FNBP1L: variants seen among roughly 807,000 people sequenced by gnomAD.
The protein encoded by FNBP1L is formin-binding protein 1-like.
A neutral mutation model predicts 91.2 loss-of-function variants in FNBP1L; 36 were observed. That is an observed-to-expected ratio of 0.39 (90% confidence interval 0.30 to 0.52). The LOEUF (loss-of-function observed/expected upper bound fraction) is 0.52, where lower values mean the gene tolerates loss of function less well. Among genes scored for constraint, FNBP1L ranks in the 20% least tolerant of loss-of-function variants. The probability of loss-of-function intolerance (pLI) is 0.66; values close to 1 mark genes in which losing one functional copy is unlikely to be tolerated. For synonymous variants in FNBP1L, 242 were observed against 237.0 expected (o/e 1.02, Z -0.19); for missense variants, 571 against 732.1 (o/e 0.78, Z 2.54).
At chr1:93,449,080 C>T (rs992121691) in intron 1 of FNBP1L, among the ~76,000 whole-genome samples, 1 of 152,212 alleles carries the variant, frequency 6.6e-6, no homozygotes, top group Non-Finnish European at 1.5e-5. Flanking sequence ...GCTTTACTTC[C>T]CTTTCCGTTC....
chr1:93,504,478 C>T (rs571756988), intron 2 of FNBP1L, among the ~76,000 whole-genome samples: 92 of 152,314 alleles, frequency 6.0e-4, no homozygotes, highest in Admixed American at 4.2e-3. Flanking sequence ...CTCCCTGTCT[C>T]GGGTATGTCT....
At chr1:93,457,425 T>C (rs939964549) in intron 1 of FNBP1L, among the ~76,000 whole-genome samples, 3 of 152,214 alleles carry the variant, frequency 2.0e-5, no homozygotes, top group Non-Finnish European at 4.4e-5. Context: ...GGGTCATTAC[T>C]GGTCTGGGAC....
chr1:93,514,703 C>G (rs1339790112), intron 2 of FNBP1L, among the ~76,000 whole-genome samples: 12 of 151,828 alleles, frequency 7.9e-5, no homozygotes, highest in Non-Finnish European at 1.6e-4. Flanking sequence ...GCTGGGAAAA[C>G]TGGCTAGCCA....
chr1:93,516,780 G>C (rs560648417), intron 2 of FNBP1L, among the ~76,000 whole-genome samples: 9 of 151,864 alleles, frequency 5.9e-5, no homozygotes, highest in African/African-American at 9.7e-5. Flanking sequence ...GCTTAAATTT[G>C]ACTTGTTTAA....
At chr1:93,462,629 C>G (rs1668911833) in intron 1 of FNBP1L, among the ~76,000 whole-genome samples, 1 of 152,040 alleles carries the variant, frequency 6.6e-6, no homozygotes, top group African/African-American at 2.4e-5. Flanking sequence ...GTAGGATACC[C>G]CTCTATTGGA....
chr1:93,524,708 T>C (rs965224555), intron 5 of FNBP1L, among the ~76,000 whole-genome samples: 3 of 151,836 alleles, frequency 2.0e-5, no homozygotes, highest in African/African-American at 7.2e-5. Flanking sequence ...ATCAAGGTTC[T>C]TTTTCTACCT....
chr1:93,477,902 T>A (rs1393138361), intron 1 of FNBP1L, among the ~76,000 whole-genome samples: 1 of 152,240 alleles, frequency 6.6e-6, no homozygotes, highest in Non-Finnish European at 1.5e-5. Flanking sequence ...TCTGTTTCTT[T>A]AACAGTCCTC....
chr1:93,507,805 C>T (rs1017134916), intron 2 of FNBP1L, among the ~76,000 whole-genome samples: 1 of 151,982 alleles, frequency 6.6e-6, no homozygotes, highest in African/African-American at 2.4e-5. Context: ...TACACCACCG[C>T]ATCTGGCTAA....
rs755194767 is a variant in FNBP1L at position 93,534,839 on chromosome 1, G to A, written c.921G>A (p.Gly307=). 1.9e-6 allele frequency: 3 copies of A among 1,579,540 alleles called. No homozygotes were observed. Among genetic ancestry groups the A allele is most frequent in the South Asian group, 2.3e-5 (2 of 85,902 alleles). ...TCAGTGCATCCAAACAGGAGAGTGG[G>A]AAGATGGATGCCAAAACCACAGTAG... is the stretch of plus-strand genomic sequence containing the variant. The part of the protein sequence containing the change: ...GTISASKQES[G]KMDAKTTVGK... Residue 307 remains glycine, a synonymous_variant, in exon 9 of 17, where the codon GGG becomes GGA. Coordinates refer to ENST00000271234, the MANE Select transcript of FNBP1L (RefSeq NM_001164473.3).
In FNBP1L at chr1:93,476,359, G is replaced by A. The variant is rs146077101; in HGVS notation, c.25-23109G>A. Among the ~76,000 whole-genome samples the A allele has an allele frequency of 2.6e-5, 4 of 152,152 alleles. No homozygotes were observed. In the East Asian group the frequency reaches 7.7e-4, roughly 29 times the overall value. On this transcript the variant is annotated intron_variant, in intron 1 of 16. Transcript: ENST00000271234. ...TTTGTATAATAATAGGAGTAATTAC[G>A]CCTACTCTCAAGGAGAGATTAAATG...
chr1:93,548,044 A>G (rs1461252133), intron 14 of FNBP1L, among the ~76,000 whole-genome samples: 1 of 152,148 alleles, frequency 6.6e-6, no homozygotes, highest in Non-Finnish European at 1.5e-5. Flanking sequence ...CTAAGTCTCA[A>G]TTTCCTGAAA....
intron 1 of FNBP1L, among the ~76,000 whole-genome samples, chr1:93,475,597 A>G (rs1669467477): frequency 6.6e-6 from 1 of 152,186 alleles, no homozygotes; most frequent in African/African-American, 2.4e-5. Context: ...TACACATCAC[A>G]TGCATGTAAT....
chr1:93,477,496 C>G (rs915407926), intron 1 of FNBP1L, among the ~76,000 whole-genome samples: 1 of 152,184 alleles, frequency 6.6e-6, no homozygotes, highest in Non-Finnish European at 1.5e-5. Flanking sequence ...AAAATAGTAG[C>G]TTGTATATGT....
chr1:93,497,528 C>T (rs1174536888), intron 1 of FNBP1L, among the ~76,000 whole-genome samples: 1 of 152,122 alleles, frequency 6.6e-6, no homozygotes, highest in African/African-American at 2.4e-5. Flanking sequence ...AGAACCAATA[C>T]CTTCAGATTA....
In FNBP1L at chr1:93,550,940, C is replaced by G; in HGVS notation, c.1652-7C>G. 1.3e-6 allele frequency: 2 copies of G among 1,567,550 alleles called. No homozygotes were observed. Among genetic ancestry groups the G allele is most frequent in the Non-Finnish European group, 1.7e-6 (2 of 1,156,256 alleles). ...CTTAAATTATGCTTGTGAAAACTCT[C>G]ATCTAGGACATAATGAAGGTACTCT... is the stretch of plus-strand genomic sequence containing the variant. On this transcript the variant is annotated splice_polypyrimidine_tract_variant and splice_region_variant and intron_variant, in intron 15 of 16. Transcript: ENST00000271234.
chr1:93,522,869 G>A (rs1182013554), intron 3 of FNBP1L, among the ~76,000 whole-genome samples: 2 of 152,176 alleles, frequency 1.3e-5, no homozygotes, highest in East Asian at 1.9e-4. Context: ...AACTATAATG[G>A]CACTTCACTT....
At chr1:93,512,183 A>T (rs1333894237) in intron 2 of FNBP1L, among the ~76,000 whole-genome samples, 1 of 152,188 alleles carries the variant, frequency 6.6e-6, no homozygotes, top group African/African-American at 2.4e-5. Flanking sequence ...GAAGGCCATT[A>T]CATAATGGTA....
intron 1 of FNBP1L, among the ~76,000 whole-genome samples, chr1:93,482,741 A>G (rs1237390774): frequency 1.3e-5 from 2 of 151,856 alleles, no homozygotes; most frequent in African/African-American, 2.4e-5. Context: ...AAAAAATACA[A>G]AAACTTAGTG....
chr1:93,458,294 G>C (rs1472206106), intron 1 of FNBP1L, among the ~76,000 whole-genome samples: 1 of 152,020 alleles, frequency 6.6e-6, no homozygotes, highest in Non-Finnish European at 1.5e-5. Context: ...GCAGAAGAAT[G>C]AATTTTTTGT....
Sources: gnomAD v4.1 joint callset for allele counts (sites outside exome capture counted in the v4.1 genomes callset) on GRCh38, gnomAD v4.1.1 for gene constraint, MANE v1.5 for transcripts, NCBI Gene and HGNC (gene_info 2026-07-23, HGNC 2026-07-21) for gene names.